FRMD5: variants seen among roughly 807,000 people sequenced by gnomAD.
FRMD5 encodes the protein FERM domain-containing protein 5.
In FRMD5, 20 loss-of-function variants were observed where a neutral mutation model predicts 69.0. The observed-to-expected ratio is 0.29, with a 90% confidence interval of 0.20 to 0.42. FRMD5 has a LOEUF of 0.42. FRMD5 is among the 10% of genes least tolerant of loss of function. The pLI is 1.00. For missense variants in FRMD5, 595 were observed against 708.6 expected (o/e 0.84, Z 1.82); for synonymous variants, 271 against 260.1 (o/e 1.04, Z -0.40).
At chr15:44,049,619 A>G (rs1780502263) in intron 1 of FRMD5, among the ~76,000 whole-genome samples, 1 of 152,236 alleles carries the variant, frequency 6.6e-6, no homozygotes, top group Non-Finnish European at 1.5e-5. Context: ...TTCATACAAC[A>G]TTGTTAGAAG....
At chr15:43,897,775 A>G (rs1482929405) in intron 7 of FRMD5, among the ~76,000 whole-genome samples, 1 of 152,096 alleles carries the variant, frequency 6.6e-6, no homozygotes, top group East Asian at 1.9e-4. Context: ...CCCAAATCTG[A>G]TGTGGAATTT....
At chr15:44,043,010 A>G (rs1409357311) in intron 1 of FRMD5, among the ~76,000 whole-genome samples, 1 of 152,216 alleles carries the variant, frequency 6.6e-6, no homozygotes, top group African/African-American at 2.4e-5. Flanking sequence ...AGATGACATG[A>G]TTGTATATTT....
intron 1 of FRMD5, among the ~76,000 whole-genome samples, chr15:44,089,859 G>T (rs1416508553): frequency 3.9e-5 from 6 of 152,152 alleles, no homozygotes; most frequent in African/African-American, 1.4e-4. Flanking sequence ...GACATCAGAA[G>T]TGCCTATTAT....
At position 43,874,424 on chromosome 15, in the gene FRMD5, C is replaced by G. The variant is rs1479047189; in HGVS notation, c.1174G>C (p.Val392Leu). ...SLRDSAHSTP[V>L]RSTSHGDTFL... ...GTGTCCCCATGGGAAGTGGAACGCA[C>G]TGGTGTGGAATGGGCACTGTCCCGT... The change falls in exon 14 of 14, where the codon GTG (valine) becomes CTG (leucine). Residue 392 changes from valine (V) to leucine (L), a missense_variant. Coordinates refer to ENST00000417257, the MANE Select transcript of FRMD5 (RefSeq NM_032892.5). 1.2e-6 allele frequency: 2 copies of G among 1,614,098 alleles called. No homozygotes were observed. Among genetic ancestry groups the G allele is most frequent in the South Asian group, 2.2e-5 (2 of 91,090 alleles).
At chr15:44,155,099 G>C (rs2077505860) in intron 1 of FRMD5, among the ~76,000 whole-genome samples, 1 of 152,102 alleles carries the variant, frequency 6.6e-6, no homozygotes, top group Non-Finnish European at 1.5e-5. Flanking sequence ...ATAATAACAT[G>C]TGTTGGTGAG....
chr15:44,034,694 T>A (rs1031351682), intron 1 of FRMD5, among the ~76,000 whole-genome samples: 2 of 152,196 alleles, frequency 1.3e-5, no homozygotes, highest in African/African-American at 4.8e-5. Context: ...AACCTCCAAG[T>A]TGCATCCTCA....
At chr15:44,182,963 A>ATT (rs550086770) in intron 1 of FRMD5, among the ~76,000 whole-genome samples, 2 of 142,494 alleles carry the variant, frequency 1.4e-5, no homozygotes, top group South Asian at 2.3e-4. Context: ...GCCAGGCTAA[A>ATT]TTTTTTTTTT....
intron 1 of FRMD5, among the ~76,000 whole-genome samples, chr15:44,035,509 T>C (rs1468629141): frequency 2.0e-5 from 3 of 152,188 alleles, no homozygotes; most frequent in African/African-American, 4.8e-5. Flanking sequence ...TGCTAGAATG[T>C]CTTTTGCCAA....
intron 4 of FRMD5, among the ~76,000 whole-genome samples, chr15:43,915,765 C>G (rs2089374942): frequency 6.6e-6 from 1 of 152,144 alleles, no homozygotes; most frequent in Admixed American, 6.5e-5. Context: ...CTACTTCACC[C>G]CCTTCTCTCA....
At chr15:44,164,762 A>C (rs921222122) in intron 1 of FRMD5, among the ~76,000 whole-genome samples, 20 of 152,302 alleles carry the variant, frequency 1.3e-4, no homozygotes, top group African/African-American at 4.8e-4. Flanking sequence ...TTTGACAATG[A>C]AACTGTCACA....
At chr15:43,907,669 A>G (rs983433240) in intron 5 of FRMD5, among the ~76,000 whole-genome samples, 2 of 151,958 alleles carry the variant, frequency 1.3e-5, no homozygotes, top group Non-Finnish European at 2.9e-5. Flanking sequence ...CACCACGCCC[A>G]GCTAATTTTT....
At chr15:43,999,923 G>GTATATATA (rs57166959) in intron 1 of FRMD5, among the ~76,000 whole-genome samples, 1 of 58,254 alleles carries the variant, frequency 1.7e-5, no homozygotes, top group South Asian at 6.5e-4. Context: ...GTGTGTGTAT[G>GTATATATA]TATATATATA....
intron 1 of FRMD5, among the ~76,000 whole-genome samples, chr15:44,037,961 G>A (rs1891997283): frequency 6.6e-6 from 1 of 152,162 alleles, no homozygotes; most frequent in Non-Finnish European, 1.5e-5. Flanking sequence ...TCCAGCATCT[G>A]TTGTTTCCTG....
chr15:43,927,288 C>T (rs1354565869), intron 1 of FRMD5, among the ~76,000 whole-genome samples: 1 of 152,230 alleles, frequency 6.6e-6, no homozygotes. Context: ...CTCCCCCAGC[C>T]CACTGGTATC....
intron 1 of FRMD5, among the ~76,000 whole-genome samples, chr15:44,068,668 ATTACATACTGGTGATGTTTGTACAACT>A (rs1272576129): frequency 6.6e-6 from 1 of 152,170 alleles, no homozygotes; most frequent in Admixed American, 6.5e-5. Context: ...ATGTTCTGAA[ATTACATACTGGTGATGTTTGTACAACT>A]TTATGAATAC....
At chr15:44,104,295 A>T (rs1344575285) in intron 1 of FRMD5, among the ~76,000 whole-genome samples, 1 of 152,250 alleles carries the variant, frequency 6.6e-6, no homozygotes, top group African/African-American at 2.4e-5. Context: ...TAAAAGAATC[A>T]AAAAGTATAA....
At chr15:44,133,734 C>T (rs1040938653) in intron 1 of FRMD5, among the ~76,000 whole-genome samples, 5 of 151,772 alleles carry the variant, frequency 3.3e-5, no homozygotes, top group Non-Finnish European at 4.4e-5. Context: ...GGTGTTGTAA[C>T]GATAACAAAA....
At chr15:44,146,640 T>A (rs1462212180) in intron 1 of FRMD5, among the ~76,000 whole-genome samples, 1 of 152,190 alleles carries the variant, frequency 6.6e-6, no homozygotes, top group Non-Finnish European at 1.5e-5. Context: ...TATTTCTCCA[T>A]AGCCTTGCCA....
chr15:44,081,645 T>C (rs112278545), intron 1 of FRMD5, among the ~76,000 whole-genome samples: 5,792 of 152,158 alleles, frequency 0.038, 328 homozygotes, highest in African/African-American at 0.12. Context: ...GAATTATTAA[T>C]ATGTATTTAA....
Sources: allele counts gnomAD v4.1 joint callset (sites outside exome capture counted in the v4.1 genomes callset), GRCh38; gene constraint gnomAD v4.1.1; transcripts MANE v1.5; gene names NCBI Gene and HGNC (gene_info 2026-07-23, HGNC 2026-07-21).